ITFG1: variants seen among roughly 807,000 people sequenced by gnomAD.
The protein encoded by ITFG1 is integrin alpha FG-GAP repeat containing 1, also known as T-cell immunomodulatory protein.
In ITFG1, 34 loss-of-function variants were observed where a neutral mutation model predicts 81.8. That is an observed-to-expected ratio of 0.42 (90% confidence interval 0.32 to 0.55). ITFG1 has a LOEUF of 0.55. Among genes scored for constraint, ITFG1 ranks in the 20% least tolerant of loss-of-function variants. The pLI is 0.17. For missense variants in ITFG1, 672 were observed against 755.4 expected (o/e 0.89, Z 1.29); for synonymous variants, 285 against 270.6 (o/e 1.05, Z -0.52).
intron 14 of ITFG1, among the ~76,000 whole-genome samples, chr16:47,209,836 C>G (rs997226647): frequency 7.9e-5 from 12 of 152,142 alleles, no homozygotes; most frequent in African/African-American, 2.4e-4. Context: ...GGCTTTTTCT[C>G]AATGTAATCC....
chr16:47,253,313 A>T (rs1966099548), intron 12 of ITFG1, among the ~76,000 whole-genome samples: 1 of 152,240 alleles, frequency 6.6e-6, no homozygotes, highest in Non-Finnish European at 1.5e-5. Context: ...CACATTTCTC[A>T]CAATTTGAAA....
At chr16:47,291,935 C>T (rs1334973380) in intron 10 of ITFG1, among the ~76,000 whole-genome samples, 1 of 150,846 alleles carries the variant, frequency 6.6e-6, no homozygotes, top group African/African-American at 2.4e-5. Flanking sequence ...TTTTGAATTC[C>T]TTTTCTGGTA....
At chr16:47,345,367 C>A (rs1206186193) in intron 8 of ITFG1, among the ~76,000 whole-genome samples, 1 of 151,262 alleles carries the variant, frequency 6.6e-6, no homozygotes, top group Non-Finnish European at 1.5e-5. Flanking sequence ...GTGGCACTAT[C>A]TCGGCTCACT....
chr16:47,185,519 C>T (rs1193146344), intron 14 of ITFG1, among the ~76,000 whole-genome samples: 7 of 152,088 alleles, frequency 4.6e-5, no homozygotes, highest in Non-Finnish European at 8.8e-5. Context: ...CTACTGGGTA[C>T]ATAATGAAAT....
intron 8 of ITFG1, chr16:47,317,947 A>G (rs1967388303): frequency 6.6e-6 from 1 of 152,162 alleles, no homozygotes; most frequent in Non-Finnish European, 1.5e-5. Flanking sequence ...AATAAAACAC[A>G]TACCACTACA....
intron 3 of ITFG1, among the ~76,000 whole-genome samples, chr16:47,453,754 T>C (rs1969417063): frequency 3.9e-5 from 6 of 152,210 alleles, no homozygotes; most frequent in Admixed American, 3.9e-4. Flanking sequence ...TTTAGCCATC[T>C]CAATGATTCT....
chr16:47,330,571 T>C (rs1967623498), intron 8 of ITFG1, among the ~76,000 whole-genome samples: 1 of 152,046 alleles, frequency 6.6e-6, no homozygotes, highest in Admixed American at 6.6e-5. Context: ...ATTTGCAAAC[T>C]ATGCATTCTA....
At chr16:47,381,502 G>A (rs1461933249) in intron 6 of ITFG1, among the ~76,000 whole-genome samples, 1 of 152,142 alleles carries the variant, frequency 6.6e-6, no homozygotes, top group Non-Finnish European at 1.5e-5. Flanking sequence ...AACATTCGTA[G>A]TATTTTCTGT....
intron 13 of ITFG1, among the ~76,000 whole-genome samples, chr16:47,222,197 C>G (rs970165732): frequency 6.6e-6 from 1 of 151,228 alleles, no homozygotes; most frequent in Admixed American, 6.6e-5. Flanking sequence ...AATTTTGGAT[C>G]TTTCCTGCTT....
At chr16:47,327,909 G>A (rs1365005289) in intron 8 of ITFG1, among the ~76,000 whole-genome samples, 1 of 152,198 alleles carries the variant, frequency 6.6e-6, no homozygotes, top group African/African-American at 2.4e-5. Flanking sequence ...GTGGAAGTCG[G>A]TGTGGCAATT....
chr16:47,162,121 G>A (rs1964816006), intron 15 of ITFG1, among the ~76,000 whole-genome samples: 1 of 152,040 alleles, frequency 6.6e-6, no homozygotes, highest in South Asian at 2.1e-4. Context: ...ATGTACAAAT[G>A]CTGCTTGGAG....
At chr16:47,409,068 T>C (rs1296890223) in intron 6 of ITFG1, among the ~76,000 whole-genome samples, 4 of 151,972 alleles carry the variant, frequency 2.6e-5, no homozygotes, top group Admixed American at 2.6e-4. Flanking sequence ...TTTTATGGGT[T>C]TTATGAAAAA....
chr16:47,287,997 G>A (rs573944474), intron 10 of ITFG1, among the ~76,000 whole-genome samples: 1 of 152,262 alleles, frequency 6.6e-6, no homozygotes, highest in Non-Finnish European at 1.5e-5. Flanking sequence ...CTTTCTCCAG[G>A]AAGTCTTCCT....
chr16:47,438,099 T>G, intron 5 of ITFG1, among the ~76,000 whole-genome samples: 1 of 152,154 alleles, frequency 6.6e-6, no homozygotes, highest in East Asian at 1.9e-4. Context: ...CACAGCAGTC[T>G]GAGATCAAAC....
chr16:47,179,234 C>T (rs1965068561), intron 14 of ITFG1, among the ~76,000 whole-genome samples: 1 of 152,094 alleles, frequency 6.6e-6, no homozygotes, highest in African/African-American at 2.4e-5. Flanking sequence ...TGGGTATATA[C>T]CCAAAGAATT....
At chr16:47,242,488 C>T (rs1369936255) in intron 12 of ITFG1, among the ~76,000 whole-genome samples, 1 of 151,970 alleles carries the variant, frequency 6.6e-6, no homozygotes, top group African/African-American at 2.4e-5. Flanking sequence ...ATACATACTA[C>T]AGTACATTTT....
At chr16:47,303,802 T>G (rs905844311) in intron 10 of ITFG1, among the ~76,000 whole-genome samples, 1 of 152,128 alleles carries the variant, frequency 6.6e-6, no homozygotes. Flanking sequence ...TTATTTCATT[T>G]TATTTTTTGT....
chr16:47,387,695 C>T (rs1968479913), intron 6 of ITFG1, among the ~76,000 whole-genome samples: 1 of 152,226 alleles, frequency 6.6e-6, no homozygotes, highest in East Asian at 1.9e-4. Context: ...TAAACCTTCT[C>T]ATACCTTCTT....
chr16:47,336,024 C>T (rs1337458973), intron 8 of ITFG1, among the ~76,000 whole-genome samples: 3 of 152,196 alleles, frequency 2.0e-5, no homozygotes, highest in African/African-American at 7.2e-5. Flanking sequence ...GAATACCACT[C>T]AGCAATTAAA....
Sources: gnomAD v4.1 joint callset for allele counts (sites outside exome capture counted in the v4.1 genomes callset) on GRCh38, gnomAD v4.1.1 for gene constraint, MANE v1.5 for transcripts, NCBI Gene and HGNC (gene_info 2026-07-23, HGNC 2026-07-21) for gene names.